Variants in GRAP2 observed in about 807,000 individuals in gnomAD.
GRAP2 encodes GRB2-related adapter protein 2.
GRAP2 carries 31 observed loss-of-function variants against 43.5 expected under a neutral mutation model. That is an observed-to-expected ratio of 0.71 (90% confidence interval 0.54 to 0.96). GRAP2 has a LOEUF of 0.96. GRAP2 is among the 40% of genes least tolerant of loss of function. GRAP2 has a pLI of 0.00. For missense variants in GRAP2, 371 were observed against 424.4 expected (o/e 0.87, Z 1.11); for synonymous variants, 156 against 164.8 (o/e 0.95, Z 0.41).
At chr22:39,907,780 T>TTGTG (rs1380175905) in intron 1 of GRAP2, among the ~76,000 whole-genome samples, 5 of 152,208 alleles carry the variant, frequency 3.3e-5, no homozygotes, top group Non-Finnish European at 5.9e-5. Context: ...TGCCATTATC[T>TTGTG]TGTTTGATCT....
chr22:39,964,635 C>G (rs2067153053), intron 4 of GRAP2: 4 of 640,828 alleles, frequency 6.2e-6, no homozygotes. Context: ...TCTCTATTCC[C>G]TCCTATAATA....
At chr22:39,922,657 G>C (rs1469844940) in intron 1 of GRAP2, among the ~76,000 whole-genome samples, 1 of 152,184 alleles carries the variant, frequency 6.6e-6, no homozygotes, top group African/African-American at 2.4e-5. Flanking sequence ...TTTGAGCCTA[G>C]AGTCAGGAAG....
At chr22:39,913,886 C>T (rs2066584814) in intron 1 of GRAP2, among the ~76,000 whole-genome samples, 1 of 152,162 alleles carries the variant, frequency 6.6e-6, no homozygotes, top group African/African-American at 2.4e-5. Flanking sequence ...AACACCTCTT[C>T]CTGGGATGTA....
At chr22:39,937,074 T>C (rs2066813948) in intron 1 of GRAP2, among the ~76,000 whole-genome samples, 1 of 152,202 alleles carries the variant, frequency 6.6e-6, no homozygotes, top group African/African-American at 2.4e-5. Context: ...AACAGACATG[T>C]ACTGAAATCT....
In GRAP2 at chr22:39,971,096, G is replaced by A; in HGVS notation, c.*12G>A. 1 of 1,596,890 alleles carries A rather than the reference G, an allele frequency of 6.3e-7. No individual in the cohort carries two copies. ...CCATGACCCGATAAACTCTTCAGGG[G>A]ACAGAAGCTTTTTGTCTGGAGCTGC... On this transcript the variant is annotated 3_prime_UTR_variant, in exon 8 of 8. Coordinates refer to ENST00000344138, the MANE Select transcript of GRAP2 (RefSeq NM_004810.4).
chr22:39,905,391 T>A (rs1357264858), intron 1 of GRAP2, among the ~76,000 whole-genome samples: 1 of 152,080 alleles, frequency 6.6e-6, no homozygotes, highest in Non-Finnish European at 1.5e-5. Context: ...TAATAGTAGG[T>A]AATGTTTATT....
intron 1 of GRAP2, among the ~76,000 whole-genome samples, chr22:39,930,097 G>A (rs1032705983): frequency 1.3e-5 from 2 of 151,982 alleles, no homozygotes; most frequent in Admixed American, 1.3e-4. Flanking sequence ...ATAATATTTT[G>A]GACATATTGG....
At chr22:39,921,411 A>T (rs185108771) in intron 1 of GRAP2, among the ~76,000 whole-genome samples, 1 of 152,344 alleles carries the variant, frequency 6.6e-6, no homozygotes, top group East Asian at 1.9e-4. Context: ...CTGATTCCGA[A>T]TGTGAGTTAT....
At chr22:39,908,463 GT>G (rs1292870695) in intron 1 of GRAP2, among the ~76,000 whole-genome samples, 4 of 152,206 alleles carry the variant, frequency 2.6e-5, no homozygotes, top group African/African-American at 9.7e-5. Context: ...AGTTCAGGGA[GT>G]CATATGGAAG....
Position 39,971,207 on chromosome 22 carries a change from A to G in GRAP2, c.*123A>G. On this transcript the variant is annotated 3_prime_UTR_variant, in exon 8 of 8. Coordinates refer to ENST00000344138, the MANE Select transcript of GRAP2 (RefSeq NM_004810.4). ...TCTACATCTGCCTGTGTACACACACAACTTTTTATACTAGTAATTTATTGG... is the reference window on the plus strand; with the variant it reads ...TCTACATCTGCCTGTGTACACACACGACTTTTTATACTAGTAATTTATTGG... 1.5e-6 allele frequency: 1 copy of G among 683,570 alleles called. No individual in the cohort carries two copies. 42.3% of individuals were successfully genotyped at this position (683,570 alleles called of 1,614,324 possible).
rs370218230 is a variant in GRAP2 at position 39,942,038 on chromosome 22, T to C, written c.-14-5055T>C. ...AAACAGATAAATTAAAAGGTAGTTA[T>C]TTGCATAACAAATTTTCCTTTCATT... On this transcript the variant is annotated intron_variant, in intron 1 of 7. Coordinates refer to ENST00000344138, the MANE Select transcript of GRAP2 (RefSeq NM_004810.4). Among the ~76,000 whole-genome samples, 23 of 152,294 alleles carry C rather than the reference T, an allele frequency of 1.5e-4. No homozygotes were observed. In the South Asian group the frequency reaches 4.6e-3, roughly 30 times the overall value.
At chr22:39,961,554 A>G (rs970639481) in intron 4 of GRAP2, among the ~76,000 whole-genome samples, 2 of 152,150 alleles carry the variant, frequency 1.3e-5, no homozygotes, top group Non-Finnish European at 1.5e-5. Context: ...GCGAAATCTC[A>G]CTAAGGTGCA....
Position 39,960,109 on chromosome 22 carries a change from G to T in GRAP2, c.225G>T (p.Lys75Asn). ...AGGCAGAGAACTTACTCATGGGCAA[G>T]GAGGTTGGCTTCTTCATCATCCGGG... Reference protein sequence around the residue: ...RHQAENLLMGKEVGFFIIRAS... With the variant: ...RHQAENLLMGNEVGFFIIRAS... The change falls in exon 4 of 8, where the codon AAG becomes AAT. Residue 75 changes from lysine to asparagine, a missense_variant. Lys to Asn is a moderately conservative substitution (Grantham distance 94, BLOSUM62 0). Coordinates refer to ENST00000344138, the MANE Select transcript of GRAP2 (RefSeq NM_004810.4). 6.2e-7 allele frequency: 1 copy of T among 1,612,988 alleles called. No homozygotes were observed.
intron 2 of GRAP2, among the ~76,000 whole-genome samples, chr22:39,950,727 A>T (rs757536801): frequency 2.0e-5 from 3 of 152,232 alleles, no homozygotes; most frequent in African/African-American, 4.8e-5. Context: ...CCTCTTTTCA[A>T]ATTCTGTCCA....
chr22:39,921,114 G>A (rs2066647613), intron 1 of GRAP2, among the ~76,000 whole-genome samples: 1 of 152,086 alleles, frequency 6.6e-6, no homozygotes, highest in Non-Finnish European at 1.5e-5. Flanking sequence ...CTTGAGCTTA[G>A]CTTCAGGCCT....
At chr22:39,966,800 C>T (rs895349569) in intron 5 of GRAP2, among the ~76,000 whole-genome samples, 3 of 152,174 alleles carry the variant, frequency 2.0e-5, no homozygotes, top group African/African-American at 4.8e-5. Context: ...ACCTGTATTA[C>T]CTAGCCAAGT....
At chr22:39,901,663 T>G (rs1313276599) in intron 1 of GRAP2, among the ~76,000 whole-genome samples, 1 of 152,164 alleles carries the variant, frequency 6.6e-6, no homozygotes, top group African/African-American at 2.4e-5. Flanking sequence ...TGGTCAGAAT[T>G]TAATCCAAAT....
chr22:39,907,399 A>G (rs1390345013), intron 1 of GRAP2, among the ~76,000 whole-genome samples: 4 of 152,218 alleles, frequency 2.6e-5, no homozygotes, highest in Non-Finnish European at 1.5e-5. Context: ...GTCCACCCAT[A>G]TATCCTGAAT....
At chr22:39,937,601 T>A (rs1283777780) in intron 1 of GRAP2, among the ~76,000 whole-genome samples, 1 of 152,188 alleles carries the variant, frequency 6.6e-6, no homozygotes, top group African/African-American at 2.4e-5. Flanking sequence ...ATAACCAGAA[T>A]GCAAAAATGC....
Sources: allele counts gnomAD v4.1 joint callset (sites outside exome capture counted in the v4.1 genomes callset), GRCh38; gene constraint gnomAD v4.1.1; transcripts MANE v1.5; gene names NCBI Gene and HGNC (gene_info 2026-07-23, HGNC 2026-07-21).